Variants in TANC2 observed in about 807,000 individuals in gnomAD.
TANC2 encodes the protein tetratricopeptide repeat, ankyrin repeat and coiled-coil containing 2.
TANC2 carries 26 observed loss-of-function variants against 210.5 expected under a neutral mutation model. The ratio of observed to expected loss-of-function variants is 0.12; its 90% CI spans 0.09 to 0.17. The LOEUF is 0.17. Ranked by LOEUF, TANC2 falls within the 10% of genes least tolerant of loss-of-function variation. The probability of loss-of-function intolerance (pLI) is 1.00; values close to 1 mark genes in which losing one functional copy is unlikely to be tolerated. For missense variants in TANC2, 2,129 were observed against 2,608.9 expected, an observed-to-expected ratio of 0.82 and a Z score of 4.01; for synonymous variants, 931 against 967.1, an observed-to-expected ratio of 0.96 and a Z score of 0.69.
intron 14 of TANC2, among the ~76,000 whole-genome samples, chr17:63,367,785 G>A (rs2047152730): frequency 6.6e-6 from 1 of 152,162 alleles, no homozygotes; most frequent in South Asian, 2.1e-4. Context: ...AGAATAAGAT[G>A]CGTGATCAGG....
intron 11 of TANC2, among the ~76,000 whole-genome samples, chr17:63,324,432 T>C (rs766455628): frequency 6.6e-6 from 1 of 152,152 alleles, no homozygotes; most frequent in Non-Finnish European, 1.5e-5. Flanking sequence ...CAGTAATCCT[T>C]TAATATTGAG....
At chr17:63,051,757 A>G (rs1321227645) in intron 2 of TANC2, among the ~76,000 whole-genome samples, 1 of 152,158 alleles carries the variant, frequency 6.6e-6, no homozygotes, top group Non-Finnish European at 1.5e-5. Context: ...GAATTACATG[A>G]AACAGTCAAC....
chr17:63,360,474 AT>A (rs938577308), intron 14 of TANC2, among the ~76,000 whole-genome samples: 6 of 151,626 alleles, frequency 4.0e-5, no homozygotes, highest in Non-Finnish European at 7.4e-5. Context: ...CACACTTTCA[AT>A]TTTTTTTTAA....
chr17:63,318,849 T>C, intron 10 of TANC2, 108 bp from the exon 11 acceptor site: 2 of 1,289,210 alleles, frequency 1.6e-6, no homozygotes, highest in Non-Finnish European at 2.2e-6. Flanking sequence ...CTCTTAAGTA[T>C]ATACTTAGGA....
intron 11 of TANC2, 117 bp downstream of exon 11, chr17:63,319,207 G>A (rs765995319): frequency 7.4e-5 from 76 of 1,028,980 alleles, no homozygotes; most frequent in East Asian, 2.6e-5. Flanking sequence ...CCATGAGAAC[G>A]TGGAGGAAAG....
chr17:63,306,516 A>G (rs1410879982), intron 9 of TANC2, among the ~76,000 whole-genome samples: 2 of 152,220 alleles, frequency 1.3e-5, no homozygotes, highest in Non-Finnish European at 2.9e-5. Flanking sequence ...GCCTTCATAG[A>G]GCTTGCATTC....
chr17:63,351,547 A>T lies in TANC2; in HGVS notation c.1974+131A>T, dbSNP rs1221464086. On this transcript the variant is annotated intron_variant, in intron 13 of 27. Transcript: ENST00000689528. ...CATTATGAAGAATAATTCCCGAAGAATTAATCTAATATTTTGAGAGATATG... is the reference window on the plus strand; with the variant it reads ...CATTATGAAGAATAATTCCCGAAGATTTAATCTAATATTTTGAGAGATATG... 6.0e-6 allele frequency: 4 copies of T among 664,070 alleles called. No homozygotes were observed. The East Asian group carries it at 1.4e-4, about 22-fold the overall frequency. The allele number at this position is 664,070 out of a possible 1,614,324, so 41.1% of individuals were successfully genotyped here. A position where few individuals can be genotyped will look rare whatever the true frequency, so the allele number is the denominator to read the frequency against.
At chr17:63,075,544 T>A (rs905457636) in intron 3 of TANC2, among the ~76,000 whole-genome samples, 15 of 151,940 alleles carry the variant, frequency 9.9e-5, no homozygotes, top group African/African-American at 2.7e-4. Flanking sequence ...TATATTTTTT[T>A]ATATGGAATC....
intron 11 of TANC2, among the ~76,000 whole-genome samples, chr17:63,328,707 A>G (rs1045986744): frequency 2.0e-5 from 3 of 151,658 alleles, no homozygotes; most frequent in Non-Finnish European, 4.4e-5. Flanking sequence ...AAATTTTCAG[A>G]TAGATAGGAA....
Position 63,330,387 on chromosome 17 carries a change from C to CT in TANC2, c.1576-9706dup, listed in dbSNP as rs948132575. On this transcript the variant is annotated intron_variant, in intron 11 of 27. Transcript: ENST00000689528. ...GGCTACACTTAAACCATAGATTTTC[C>CT]TTTTTTTTCATTGTTTTACTTTACA... 4.0e-5 allele frequency among the ~76,000 whole-genome samples: 6 copies of CT among 151,872 alleles called. No homozygotes were observed. The South Asian group carries it at 6.3e-4, about 16-fold the overall frequency.
At chr17:63,019,585 A>G (rs956397598) in intron 2 of TANC2, among the ~76,000 whole-genome samples, 58 of 152,224 alleles carry the variant, frequency 3.8e-4, no homozygotes, top group African/African-American at 1.3e-3. Context: ...ATTTTTATTT[A>G]TTTGTATAAA....
chr17:63,131,742 G>A (rs929245124), intron 4 of TANC2, among the ~76,000 whole-genome samples: 5 of 152,136 alleles, frequency 3.3e-5, no homozygotes, highest in Admixed American at 6.5e-5. Flanking sequence ...TTCTGACACA[G>A]TCATTTTAGT....
chr17:63,267,232 T>G (rs1220029498), intron 8 of TANC2, among the ~76,000 whole-genome samples: 1 of 152,214 alleles, frequency 6.6e-6, no homozygotes, highest in Non-Finnish European at 1.5e-5. Flanking sequence ...TTTCTTTCAC[T>G]CAGTTTTTAG....
intron 14 of TANC2, among the ~76,000 whole-genome samples, chr17:63,376,823 T>TC (rs1245654710): frequency 6.7e-6 from 1 of 149,754 alleles, no homozygotes; most frequent in East Asian, 1.9e-4. Flanking sequence ...TCTTTTTTTT[T>TC]TTTTTTTTTT....
chr17:63,350,339 T>C (rs1453355115), intron 12 of TANC2, among the ~76,000 whole-genome samples: 1 of 152,214 alleles, frequency 6.6e-6, no homozygotes, highest in Admixed American at 6.5e-5. Context: ...TGTGAGATCC[T>C]GCTAACAAAT....
At chr17:63,277,104 G>A (rs1441015292) in intron 9 of TANC2, among the ~76,000 whole-genome samples, 1 of 152,038 alleles carries the variant, frequency 6.6e-6, no homozygotes, top group Non-Finnish European at 1.5e-5. Context: ...CCTCTCACTT[G>A]AGCTTTAAAT....
At chr17:63,413,520 A>G (rs749623657) in intron 24 of TANC2, 23 bp from the exon 25 acceptor site, 3 of 1,562,904 alleles carry the variant, frequency 1.9e-6, no homozygotes, top group East Asian at 2.4e-5. Context: ...TTTTTTACCC[A>G]TCATGCATCC....
intron 5 of TANC2, among the ~76,000 whole-genome samples, chr17:63,186,350 CTTTT>C (rs11314991): frequency 1.7e-5 from 2 of 114,378 alleles, no homozygotes; most frequent in African/African-American, 8.2e-5. Context: ...CTCTCTCTCT[CTTTT>C]TTTTTTTTTT....
chr17:63,404,186 C>A (rs2048429192), intron 19 of TANC2, among the ~76,000 whole-genome samples: 1 of 152,110 alleles, frequency 6.6e-6, no homozygotes, highest in Non-Finnish European at 1.5e-5. Flanking sequence ...GTGTTTCCAT[C>A]CTCCATACCC....
Sources: gnomAD v4.1 joint callset for allele counts (sites outside exome capture counted in the v4.1 genomes callset) on GRCh38, gnomAD v4.1.1 for gene constraint, MANE v1.5 for transcripts, NCBI Gene and HGNC (gene_info 2026-07-23, HGNC 2026-07-21) for gene names.